The following ZNF644 variants were observed in gnomAD, a reference collection of about 807,000 sequenced individuals.
ZNF644 encodes zinc finger motif enhancer binding protein 2.
A neutral mutation model predicts 108.0 loss-of-function variants in ZNF644; 20 were observed. The observed-to-expected ratio is 0.19, with a 90% CI of 0.13 to 0.27. The LOEUF (loss-of-function observed/expected upper bound fraction) is 0.27, where lower values mean the gene tolerates loss of function less well. ZNF644 is among the 10% of genes least tolerant of loss of function. The pLI, the probability that ZNF644 is intolerant of heterozygous loss-of-function variation, is 1.00. For missense variants in ZNF644, 1,338 were observed against 1,548.9 expected (o/e 0.86, Z 2.29); for synonymous variants, 542 against 539.1 (o/e 1.01, Z -0.08).
At chr1:90,957,030 C>T (rs958037812) in intron 2 of ZNF644, among the ~76,000 whole-genome samples, 1 of 151,706 alleles carries the variant, frequency 6.6e-6, no homozygotes, top group South Asian at 2.1e-4. Context: ...TAACTGGATG[C>T]CAAAAAATTG....
At chr1:90,945,027 A>G (rs1029922704) in intron 2 of ZNF644, among the ~76,000 whole-genome samples, 4 of 152,170 alleles carry the variant, frequency 2.6e-5, no homozygotes, top group Non-Finnish European at 5.9e-5. Context: ...ATTTTACACC[A>G]TCTCAAATAG....
At chr1:90,933,341 G>C (rs1650948458) in intron 4 of ZNF644, among the ~76,000 whole-genome samples, 1 of 151,984 alleles carries the variant, frequency 6.6e-6, no homozygotes, top group African/African-American at 2.4e-5. Flanking sequence ...TATTTATTCA[G>C]TCTTCACCAG....
chr1:90,972,879 T>C (rs142723608), intron 2 of ZNF644: 5 of 152,306 alleles, frequency 3.3e-5, no homozygotes, highest in African/African-American at 1.2e-4. Context: ...AAACACTATA[T>C]GATTCTGCTT....
At chr1:90,926,802 T>A (rs1650087970) in intron 4 of ZNF644, among the ~76,000 whole-genome samples, 1 of 152,170 alleles carries the variant, frequency 6.6e-6, no homozygotes, top group Non-Finnish European at 1.5e-5. Context: ...ACTGACCTGG[T>A]ACAGGACTCT....
At chr1:90,963,677 A>G (rs886596340) in intron 2 of ZNF644, among the ~76,000 whole-genome samples, 3 of 152,204 alleles carry the variant, frequency 2.0e-5, no homozygotes, top group African/African-American at 7.2e-5. Flanking sequence ...TAGACAAAAT[A>G]ATACTTCTGT....
intron 4 of ZNF644, among the ~76,000 whole-genome samples, chr1:90,929,586 C>T (rs6662639): frequency 0.022 from 3,364 of 152,300 alleles, 43 homozygotes; most frequent in Non-Finnish European, 0.033. Context: ...TACAGTGACA[C>T]TCATGAATGA....
At chr1:90,921,414 AG>A (rs1215646183) in intron 4 of ZNF644, among the ~76,000 whole-genome samples, 1 of 152,076 alleles carries the variant, frequency 6.6e-6, no homozygotes, top group Non-Finnish European at 1.5e-5. Context: ...AAAAACTCCA[AG>A]GAACTTAAAA....
intron 2 of ZNF644, among the ~76,000 whole-genome samples, chr1:90,962,710 C>T (rs1654455139): frequency 6.6e-6 from 1 of 152,010 alleles, no homozygotes; most frequent in Admixed American, 6.6e-5. Flanking sequence ...GCACCACTAG[C>T]CCAACTCACT....
chr1:90,993,069 T>A (rs1374029531), intron 1 of ZNF644, among the ~76,000 whole-genome samples: 4 of 151,938 alleles, frequency 2.6e-5, no homozygotes, highest in African/African-American at 9.7e-5. Context: ...AAAAAAGAAG[T>A]AGCATCCTCT....
In ZNF644 at chr1:90,939,409, T is replaced by C. The variant is rs750393757; in HGVS notation, c.1945A>G (p.Thr649Ala). Residue 649 changes from threonine (T) to alanine (A), a missense_variant, in exon 3 of 6, where the codon ACC becomes GCC. Thr to Ala is a moderately conservative substitution (Grantham distance 58, BLOSUM62 0). Around this residue, in one of 6 missense-constraint regions of ZNF644, gnomAD observed 462 missense variants for 472.6 expected, o/e 0.98. Transcript: ENST00000337393. ...STKTLTKQQS[T>A]TFPKNSALKQ... The stretch of plus-strand genomic sequence containing the variant: ...AAAGCAGAGTTCTTTGGAAATGTGG[T>C]TGACTGTTGTTTAGTTAATGTTTTA... 2 of 1,614,002 alleles carry C rather than the reference T, an allele frequency of 1.2e-6. No individual in the cohort carries two copies. Among genetic ancestry groups the C allele is most frequent in the Admixed American group, 3.3e-5 (2 of 60,012 alleles).
chr1:90,933,651 G>T (rs1201412), intron 4 of ZNF644, among the ~76,000 whole-genome samples: 17,341 of 146,456 alleles, frequency 0.12, 1,047 homozygotes, highest in South Asian at 0.17. Context: ...GTGACAGAGC[G>T]AGACTCCGTC....
chr1:91,003,829 T>C (rs1469001601), intron 1 of ZNF644, among the ~76,000 whole-genome samples: 3 of 152,046 alleles, frequency 2.0e-5, no homozygotes, highest in Non-Finnish European at 2.9e-5. Context: ...ACTTTAAGCA[T>C]ATTCAAATAA....
At chr1:90,922,663 T>C (rs1054127823) in intron 4 of ZNF644, among the ~76,000 whole-genome samples, 5 of 152,072 alleles carry the variant, frequency 3.3e-5, no homozygotes, top group Non-Finnish European at 7.4e-5. Flanking sequence ...CGGGAGTTGG[T>C]GTACAGACTA....
chr1:90,933,015 A>G (rs548392582), intron 4 of ZNF644, among the ~76,000 whole-genome samples: 42 of 152,178 alleles, frequency 2.8e-4, no homozygotes, highest in Non-Finnish European at 5.0e-4. Flanking sequence ...TTCAGGACCT[A>G]AACATATTCC....
intron 2 of ZNF644, among the ~76,000 whole-genome samples, chr1:90,950,297 G>GAGGGGAGGGGAGGGGAGGGC (rs1553151444): frequency 3.8e-5 from 1 of 26,070 alleles, no homozygotes; most frequent in African/African-American, 1.6e-4. Flanking sequence ...AAGGGAAGGG[G>GAGGGGAGGGGAGGGGAGGGC]AGGGGAGGGG....
chr1:90,966,889 G>A (rs1260787077), intron 2 of ZNF644, among the ~76,000 whole-genome samples: 2 of 151,938 alleles, frequency 1.3e-5, no homozygotes, highest in African/African-American at 2.4e-5. Context: ...CTGAGGTGGG[G>A]AATTTGTGAC....
intron 1 of ZNF644, among the ~76,000 whole-genome samples, chr1:90,994,195 T>C (rs1482005322): frequency 6.6e-6 from 1 of 152,206 alleles, no homozygotes; most frequent in African/African-American, 2.4e-5. Flanking sequence ...TGGCTATCTT[T>C]GCCACACTTC....
intron 1 of ZNF644, among the ~76,000 whole-genome samples, chr1:90,994,527 C>A (rs573908022): frequency 6.6e-6 from 1 of 152,180 alleles, no homozygotes; most frequent in Non-Finnish European, 1.5e-5. Context: ...GACTGATAAA[C>A]CAGTAGGCAC....
intron 2 of ZNF644, among the ~76,000 whole-genome samples, chr1:90,970,437 C>T (rs1368539110): frequency 6.6e-6 from 1 of 152,218 alleles, no homozygotes; most frequent in Admixed American, 6.5e-5. Flanking sequence ...TTTGATTCCA[C>T]TTTACCAAGG....
Sources: gnomAD v4.1 joint callset for allele counts (sites outside exome capture counted in the v4.1 genomes callset) on GRCh38, gnomAD v4.1.1 for gene constraint, gnomAD v4.1.1 regional missense constraint, MANE v1.5 for transcripts, NCBI Gene and HGNC (gene_info 2026-07-23, HGNC 2026-07-21) for gene names.